SLC22A16: variants seen among roughly 807,000 people sequenced by gnomAD.
SLC22A16 encodes solute carrier family 22 member 16.
A neutral mutation model predicts 52.9 loss-of-function variants in SLC22A16; 53 were observed. The ratio of observed to expected loss-of-function variants is 1.00; its 90% confidence interval spans 0.80 to 1.26. The LOEUF (loss-of-function observed/expected upper bound fraction) is 1.26, where lower values mean the gene tolerates loss of function less well. SLC22A16 is among the 50% of genes most tolerant of loss of function. SLC22A16 has a pLI of 0.00. For missense variants in SLC22A16, 726 were observed against 704.0 expected, an observed-to-expected ratio of 1.03 and a Z score of -0.35; for synonymous variants, 291 against 268.8, an observed-to-expected ratio of 1.08 and a Z score of -0.81.
chr6:110,476,291 G>A (rs1216534285), intron 1 of SLC22A16: 4 of 1,323,298 alleles, frequency 3.0e-6, no homozygotes, highest in African/African-American at 3.0e-5. Flanking sequence ...GGCGCACTCC[G>A]AGCGAGCCCA....
chr6:110,442,496 T>A lies in SLC22A16; in HGVS notation c.931A>T (p.Met311Leu). 1 of 1,614,204 alleles carries A rather than the reference T, an allele frequency of 6.2e-7. No homozygotes were observed. Among genetic ancestry groups the A allele is most frequent in the South Asian group, 1.1e-5 (1 of 91,086 alleles). ...YEEAQKIVDI[M>L]AKWNRASSCK... ...GAGCTTGCCCTGTTCCACTTGGCCA[T>A]GATGTCAACTATTTTTTGTGCTTCT... The change falls in exon 4 of 8, where the codon ATG (methionine) becomes TTG (leucine). Residue 311 changes from methionine to leucine, a missense_variant. Met to Leu is a conservative substitution (Grantham distance 15). Coordinates refer to ENST00000368919, the MANE Select transcript of SLC22A16 (RefSeq NM_033125.4).
At chr6:110,436,584 C>T (rs1223417634) in intron 5 of SLC22A16, among the ~76,000 whole-genome samples, 1 of 152,152 alleles carries the variant, frequency 6.6e-6, no homozygotes, top group Non-Finnish European at 1.5e-5. Context: ...TATAATCACA[C>T]CACTGCACTT....
chr6:110,453,678 G>T (rs1386533267), intron 2 of SLC22A16: 1 of 456,230 alleles, frequency 2.2e-6, no homozygotes, highest in Non-Finnish European at 4.4e-6. Flanking sequence ...TTTGTACCAA[G>T]CAGTTAGGAA....
At position 110,442,286 on chromosome 6, in the gene SLC22A16, C is replaced by G. The variant is rs779107840; in HGVS notation, c.1141G>C (p.Val381Leu). The G allele has an allele frequency of 7.4e-6, 12 of 1,614,136 alleles. No homozygotes were observed. The African/African-American group carries it at 1.6e-4, about 22-fold the overall frequency. ...AAGTATTCATTGCCTCCTAAGTTAA[C>G]AGAATTCAAGGAAAACGAGTAGAAT... ...LGFYSFSLNS[V>L]NLGGNEYLNL... Residue 381 changes from valine to leucine, a missense_variant, in exon 4 of 8, where the codon GTT becomes CTT. Coordinates refer to ENST00000368919, the MANE Select transcript of SLC22A16 (RefSeq NM_033125.4).
intron 2 of SLC22A16, among the ~76,000 whole-genome samples, chr6:110,454,648 TTA>T (rs1381727394): frequency 2.1e-5 from 1 of 46,916 alleles, no homozygotes; most frequent in Admixed American, 3.1e-4. Flanking sequence ...ATTATATATT[TTA>T]TATATATTAT....
At chr6:110,452,840 A>G (rs769272745) in intron 2 of SLC22A16, among the ~76,000 whole-genome samples, 1 of 152,184 alleles carries the variant, frequency 6.6e-6, no homozygotes, top group South Asian at 2.1e-4. Flanking sequence ...TCCTATATGT[A>G]TTGAGTTGAT....
At chr6:110,446,743 T>G (rs1311386291) in intron 3 of SLC22A16, 130 bp downstream of exon 3, 2 of 785,324 alleles carry the variant, frequency 2.5e-6, no homozygotes. Context: ...GTAGGCAGAC[T>G]TCTGCAGTGG....
intron 1 of SLC22A16, among the ~76,000 whole-genome samples, chr6:110,465,673 A>G (rs1420703724): frequency 2.0e-5 from 3 of 152,224 alleles, no homozygotes; most frequent in Non-Finnish European, 2.9e-5. Flanking sequence ...TCTCATGCTC[A>G]TGGATTAGAA....
At chr6:110,471,461 G>A (rs1776258686) in intron 1 of SLC22A16, among the ~76,000 whole-genome samples, 1 of 152,208 alleles carries the variant, frequency 6.6e-6, no homozygotes, top group Non-Finnish European at 1.5e-5. Flanking sequence ...ACTCATATAA[G>A]CCCAACCTGG....
intron 3 of SLC22A16, 141 bp from the exon 4 acceptor site, chr6:110,442,916 T>C: frequency 1.4e-6 from 1 of 737,196 alleles, no homozygotes; most frequent in Non-Finnish European, 2.2e-6. Context: ...ATGTATAAAA[T>C]GACATTCAAT....
At chr6:110,471,186 T>C (rs946080114) in intron 1 of SLC22A16, among the ~76,000 whole-genome samples, 16 of 152,194 alleles carry the variant, frequency 1.1e-4, no homozygotes, top group African/African-American at 3.9e-4. Context: ...ACCCTTTCCA[T>C]GTTTAGGTAC....
chr6:110,456,846 C>A lies in SLC22A16; in HGVS notation c.225G>T (p.Gly75=). ...NHSNWSLEDT[G]ALLSSGQKDY... ...CTTTCTGGCCTGAAGACAACAGGGC[C>A]CCGGTGTCCTCCAAACTCCAATTAG... is the stretch of plus-strand genomic sequence containing the variant. Residue 75 remains glycine, a synonymous_variant, in exon 2 of 8, where the codon GGG becomes GGT. Transcript: ENST00000368919. The A allele has an allele frequency of 6.2e-7, 1 of 1,614,122 alleles. No homozygotes were observed. Among genetic ancestry groups the A allele is most frequent in the South Asian group, 1.1e-5 (1 of 91,076 alleles).
chr6:110,457,051 G>A, intron 1 of SLC22A16, 34 bp from the exon 2 acceptor site: 1 of 1,503,510 alleles, frequency 6.7e-7, no homozygotes, highest in Non-Finnish European at 8.9e-7. Flanking sequence ...ATTATATCTG[G>A]TCTATAGGCT....
chr6:110,433,633 A>T (rs1054045181), intron 6 of SLC22A16, among the ~76,000 whole-genome samples: 13 of 152,196 alleles, frequency 8.5e-5, no homozygotes, highest in African/African-American at 2.4e-4. Context: ...AAGCAGTTAG[A>T]TTTTTTAATA....
chr6:110,456,990 A>T lies in SLC22A16; in HGVS notation c.81T>A (p.Cys27Ter), dbSNP rs1562294850. The change falls in exon 2 of 8, where the codon TGT (cysteine) becomes TGA (stop). Residue 27 changes from cysteine (C) to a stop codon, truncating the protein, a stop_gained. Transcript: ENST00000368919. LOFTEE classifies it high-confidence loss of function. ...TACCACAAGAGATGTTCTGGAAGGC[A>T]CATATGAAATAGAGGACTCTCTGGA... ...GRFQRVLYFI[C>*]AFQNISCGIH... 1.9e-6 allele frequency: 3 copies of T among 1,553,828 alleles called. No homozygotes were observed. The highest frequency in any genetic ancestry group is 2.6e-6 in the Non-Finnish European group (3 of 1,152,014).
rs534789966 is a variant in SLC22A16 at position 110,424,785 on chromosome 6, A to C, written c.*88T>G. ...AATTTATTAAAAAGACATACAAACA[A>C]CATATGGGAGATGAGAATAAGATTC... On this transcript the variant is annotated 3_prime_UTR_variant, in exon 8 of 8. Transcript: ENST00000368919. 27 of 1,443,448 alleles carry C rather than the reference A, an allele frequency of 1.9e-5. No homozygotes were observed. The East Asian group carries it at 5.0e-4, about 27-fold the overall frequency. 89.4% of individuals were successfully genotyped at this position (1,443,448 alleles called of 1,614,324 possible).
intron 6 of SLC22A16, among the ~76,000 whole-genome samples, chr6:110,434,570 A>G (rs1345219984): frequency 7.2e-6 from 1 of 138,204 alleles, no homozygotes; most frequent in Non-Finnish European, 1.5e-5. Context: ...AAAAGCTTGG[A>G]AGTCCCTGAG....
chr6:110,476,110 G>C (rs953191942), intron 1 of SLC22A16: 2 of 416,184 alleles, frequency 4.8e-6, no homozygotes, highest in Non-Finnish European at 9.3e-6. Context: ...GCGCAGGGCA[G>C]AACTGGGCAG....
intron 1 of SLC22A16, chr6:110,476,062 G>A (rs2114354994): frequency 2.2e-6 from 1 of 454,728 alleles, no homozygotes; most frequent in Non-Finnish European, 4.4e-6. Flanking sequence ...GTTGTCCCTG[G>A]GGAACACCTG....
Sources: allele counts gnomAD v4.1 joint callset (sites outside exome capture counted in the v4.1 genomes callset), GRCh38; gene constraint gnomAD v4.1.1; transcripts MANE v1.5; gene names NCBI Gene and HGNC (gene_info 2026-07-23, HGNC 2026-07-21).